The following TENM1 variants were observed in gnomAD, a reference collection of about 807,000 sequenced individuals.
The protein encoded by TENM1 is teneurin transmembrane protein 1, also known as teneurin-1.
A neutral mutation model predicts 174.8 loss-of-function variants in TENM1; 35 were observed. The observed-to-expected ratio is 0.20, with a 90% CI of 0.15 to 0.27. TENM1 has a LOEUF of 0.27. Ranked by LOEUF, TENM1 falls within the 10% of genes least tolerant of loss-of-function variation. The probability of loss-of-function intolerance (pLI) is 1.00; values close to 1 mark genes in which losing one functional copy is unlikely to be tolerated. For missense variants in TENM1, 1,633 were observed against 2,130.1 expected (o/e 0.77, Z 4.59); for synonymous variants, 781 against 798.7 (o/e 0.98, Z 0.37).
At chrX:124,615,547 G>A (rs1397539471) in intron 11 of TENM1, among the ~76,000 whole-genome samples, 4 of 112,130 alleles carry the variant, frequency 3.6e-5, no homozygotes, top group African/African-American at 1.3e-4. Flanking sequence ...GTAAGGTTCC[G>A]TTATTTTTAG....
intron 8 of TENM1, among the ~76,000 whole-genome samples, chrX:124,649,141 T>G (rs2148390143): frequency 8.9e-6 from 1 of 112,394 alleles, no homozygotes; most frequent in South Asian, 3.7e-4. Flanking sequence ...AATCTTTGAC[T>G]TCTATCTTTT....
intron 3 of TENM1, among the ~76,000 whole-genome samples, chrX:124,765,497 C>T (rs1242018605): frequency 8.9e-6 from 1 of 112,021 alleles, no homozygotes; most frequent in Admixed American, 9.5e-5. Context: ...ACAAGTCATC[C>T]TCAAATCATA....
At chrX:125,139,860 A>ACACACG in the TENM1 span, among the ~76,000 whole-genome samples, 295 of 62,079 alleles carry the variant, frequency 4.8e-3, 1 homozygote, top group African/African-American at 0.022. Context: ...ACACACACGG[A>ACACACG]GAGAGAGAGA....
chrX:125,024,425 G>T, the TENM1 span, among the ~76,000 whole-genome samples: 10 of 108,912 alleles, frequency 9.2e-5, no homozygotes. Context: ...ACACTACTCA[G>T]CCATAAAAAA....
chrX:124,763,037 A>G (rs2054456861), intron 3 of TENM1, among the ~76,000 whole-genome samples: 1 of 111,804 alleles, frequency 8.9e-6, no homozygotes, highest in Admixed American at 9.5e-5. Context: ...TGCCTGAAAA[A>G]TCACCAAAAG....
At chrX:124,964,867 T>C (rs1239864558), upstream of TENM1, among the ~76,000 whole-genome samples, 4 of 112,393 alleles carry the variant, frequency 3.6e-5, no homozygotes, top group South Asian at 1.1e-3. Context: ...AAACTGACTC[T>C]TTTATTTTTC....
chrX:124,412,982 A>T (rs1262272033), intron 25 of TENM1, among the ~76,000 whole-genome samples: 1 of 112,182 alleles, frequency 8.9e-6, no homozygotes, highest in Non-Finnish European at 1.9e-5. Context: ...GGAGGAAGGC[A>T]TTCCAAATGG....
chrX:124,427,951 G>A (rs752309770), intron 23 of TENM1, among the ~76,000 whole-genome samples: 70 of 69,733 alleles, frequency 1.0e-3, no homozygotes, highest in African/African-American at 2.8e-3. Flanking sequence ...TTCTTTTTTG[G>A]GGGGGTGGGA....
intron 3 of TENM1, among the ~76,000 whole-genome samples, chrX:124,892,151 A>C (rs1376665912): frequency 8.9e-6 from 1 of 111,969 alleles, no homozygotes; most frequent in African/African-American, 3.2e-5. Flanking sequence ...TCCCAGAATG[A>C]AGCTAACTTG....
the TENM1 span, among the ~76,000 whole-genome samples, chrX:125,041,069 A>G: frequency 3.4e-3 from 377 of 111,568 alleles, no homozygotes; most frequent in African/African-American, 0.011. Flanking sequence ...ATACTCAGCT[A>G]TATTTCAAAG....
At chrX:124,800,999 G>A (rs2055434000) in intron 3 of TENM1, among the ~76,000 whole-genome samples, 1 of 111,727 alleles carries the variant, frequency 9.0e-6, no homozygotes, top group Non-Finnish European at 1.9e-5. Context: ...AGTTGCTGAG[G>A]AGTGTTTTAC....
intron 2 of TENM1, among the ~76,000 whole-genome samples, chrX:124,894,721 T>C (rs761458478): frequency 2.7e-5 from 3 of 111,287 alleles, no homozygotes; most frequent in Non-Finnish European, 5.7e-5. Context: ...CTTGCCAATA[T>C]AAGAGATCAC....
At chrX:125,147,039 CAT>C in the TENM1 span, among the ~76,000 whole-genome samples, 1 of 109,200 alleles carries the variant, frequency 9.2e-6, no homozygotes, top group Non-Finnish European at 1.9e-5. Flanking sequence ...CACATGCATA[CAT>C]GTGTCTGTGT....
intron 11 of TENM1, among the ~76,000 whole-genome samples, chrX:124,613,726 T>C (rs1241096424): frequency 1.8e-5 from 2 of 111,691 alleles, no homozygotes; most frequent in African/African-American, 3.3e-5. Flanking sequence ...AAGTTAAAGA[T>C]ACTGAAAACT....
chrX:125,190,507 G>A, the TENM1 span, among the ~76,000 whole-genome samples: 3 of 111,492 alleles, frequency 2.7e-5, no homozygotes, highest in African/African-American at 9.8e-5. Context: ...GGTAAGTTCC[G>A]CCCTCTTTGG....
chrX:124,512,848 C>T (rs1366731777), intron 18 of TENM1, among the ~76,000 whole-genome samples: 1 of 111,770 alleles, frequency 8.9e-6, no homozygotes, highest in Non-Finnish European at 1.9e-5. Context: ...TTTAGATATT[C>T]ACCATCACTT....
chrX:124,895,653 T>C (rs945585446), intron 2 of TENM1, among the ~76,000 whole-genome samples: 10 of 112,245 alleles, frequency 8.9e-5, no homozygotes, highest in African/African-American at 3.2e-4. Flanking sequence ...TTGGACATTC[T>C]ATAATAAATT....
chrX:124,516,946 T>A (rs184712779), intron 18 of TENM1, among the ~76,000 whole-genome samples: 2 of 112,013 alleles, frequency 1.8e-5, no homozygotes, highest in African/African-American at 6.5e-5. Context: ...GGTACTTATA[T>A]ACCATGGAAT....
chrX:124,498,233 T>A (rs2047245871), intron 19 of TENM1, among the ~76,000 whole-genome samples: 1 of 111,051 alleles, frequency 9.0e-6, no homozygotes, highest in South Asian at 3.8e-4. Context: ...TCCCATTGAG[T>A]CTATCCCTTA....
Sources: allele counts gnomAD v4.1 joint callset (sites outside exome capture counted in the v4.1 genomes callset), GRCh38; gene constraint gnomAD v4.1.1; transcripts MANE v1.5; gene names NCBI Gene and HGNC (gene_info 2026-07-23, HGNC 2026-07-21).